The following EML1 variants were observed in gnomAD, a reference collection of about 807,000 sequenced individuals.
The protein encoded by EML1 is EMAP like 1.
A neutral mutation model predicts 110.4 loss-of-function variants in EML1; 27 were observed. The observed-to-expected ratio is 0.24, with a 90% CI of 0.18 to 0.34. The LOEUF is 0.34. Among genes scored for constraint, EML1 ranks in the 10% least tolerant of loss-of-function variants. The probability of loss-of-function intolerance (pLI) is 1.00; values close to 1 mark genes in which losing one functional copy is unlikely to be tolerated. For missense variants in EML1, 741 were observed against 1,030.9 expected, an observed-to-expected ratio of 0.72 and a Z score of 3.85; for synonymous variants, 344 against 385.8, an observed-to-expected ratio of 0.89 and a Z score of 1.27.
chr14:99,836,021 T>A (rs2058534566), intron 1 of EML1, among the ~76,000 whole-genome samples: 1 of 151,300 alleles, frequency 6.6e-6, no homozygotes, highest in Non-Finnish European at 1.5e-5. Flanking sequence ...CTGGGTCTTT[T>A]GCCTTTGCAT....
Position 99,793,444 on chromosome 14 carries a change from G to A in EML1, c.-33G>A. The A allele has an allele frequency of 9.6e-7, 1 of 1,037,302 alleles. No homozygotes were observed. The highest frequency in any genetic ancestry group is 1.2e-6 in the Non-Finnish European group (1 of 863,312). 64.3% of individuals were successfully genotyped at this position (1,037,302 alleles called of 1,614,324 possible). On this transcript the variant is annotated 5_prime_UTR_variant, in exon 1 of 22. Coordinates refer to ENST00000262233, the MANE Select transcript of EML1 (RefSeq NM_004434.3). The stretch of plus-strand genomic sequence containing the variant: ...TGGTGAGCGGCGGCGGCGCGGCCGG[G>A]CCGGGGAGCGGGCGCGGCCCGGCGG...
intron 1 of EML1, among the ~76,000 whole-genome samples, chr14:99,759,134 A>C (rs980819867): frequency 2.6e-5 from 4 of 152,180 alleles, no homozygotes; most frequent in African/African-American, 9.7e-5. Flanking sequence ...TGGAGCAAAC[A>C]CTGGGCTGGT....
chr14:99,831,745 A>T (rs560075386), intron 1 of EML1, among the ~76,000 whole-genome samples: 1 of 152,082 alleles, frequency 6.6e-6, no homozygotes, highest in South Asian at 2.1e-4. Flanking sequence ...ATCCTGCCTC[A>T]TTCCATGAAG....
chr14:99,866,570 CAAAAAAAAAA>C (rs57796662), intron 3 of EML1, among the ~76,000 whole-genome samples: 1 of 80,114 alleles, frequency 1.2e-5, no homozygotes, highest in Non-Finnish European at 2.3e-5. Flanking sequence ...AACTCCATCT[CAAAAAAAAAA>C]AAAAAAAAAA....
At chr14:99,758,632 T>C (rs540425405) in intron 1 of EML1, among the ~76,000 whole-genome samples, 3 of 152,288 alleles carry the variant, frequency 2.0e-5, no homozygotes, top group African/African-American at 7.2e-5. Flanking sequence ...CACGCCCTCA[T>C]GCAGTGATTC....
intron 16 of EML1, 68 bp downstream of exon 16, chr14:99,917,917 C>G: frequency 6.6e-7 from 1 of 1,513,048 alleles, no homozygotes. Context: ...TTTCTATTTC[C>G]CCAGGAACAG....
At chr14:99,898,127 A>T in intron 7 of EML1, 106 bp from the exon 8 acceptor site, 1 of 881,086 alleles carries the variant, frequency 1.1e-6, no homozygotes, top group Non-Finnish European at 1.6e-6. Flanking sequence ...GAAGTTAGGC[A>T]TTATATATTT....
At chr14:99,924,444 C>T (rs1193496018) in intron 17 of EML1, among the ~76,000 whole-genome samples, 1 of 151,984 alleles carries the variant, frequency 6.6e-6, no homozygotes, top group African/African-American at 2.4e-5. Context: ...TTGCCTATGG[C>T]AAAGTTAAAT....
chr14:99,868,251 C>G (rs1247165278), intron 3 of EML1, among the ~76,000 whole-genome samples: 2 of 152,194 alleles, frequency 1.3e-5, no homozygotes, highest in African/African-American at 4.8e-5. Flanking sequence ...CATCAGCATT[C>G]ATCAGGGATA....
Position 99,822,240 on chromosome 14 carries a change from G to A in EML1, c.68-28613G>A, listed in dbSNP as rs528707975. ...CACCTTTTGAGACCATAGCTCCATC[G>A]TTAATGGTGTTTTTGAATACCAAAT... On this transcript the variant is annotated intron_variant, in intron 1 of 21. Coordinates refer to ENST00000262233, the MANE Select transcript of EML1 (RefSeq NM_004434.3). Among the ~76,000 whole-genome samples, 6 of 152,220 alleles carry A rather than the reference G, an allele frequency of 3.9e-5. No individual in the cohort carries two copies. In the South Asian group the frequency reaches 8.3e-4, roughly 21 times the overall value.
At chr14:99,738,415 C>G (rs1219739431) in intron 1 of EML1, among the ~76,000 whole-genome samples, 1 of 152,246 alleles carries the variant, frequency 6.6e-6, no homozygotes, top group African/African-American at 2.4e-5. Flanking sequence ...GGTCTGCCCA[C>G]TGCCCTTTGC....
At position 99,886,731 on chromosome 14, in the gene EML1, T is replaced by C. The variant is rs890447417; in HGVS notation, c.519-4468T>C. On this transcript the variant is annotated intron_variant, in intron 4 of 21. Coordinates refer to ENST00000262233, the MANE Select transcript of EML1 (RefSeq NM_004434.3). ...GCAAGATCTGGCCCCAGAGCCCCCT[T>C]TCAGGAACATGGGGTTAGGTTAGTT... Among the ~76,000 whole-genome samples, 8 of 152,262 alleles carry C rather than the reference T, an allele frequency of 5.3e-5. No homozygotes were observed. The East Asian group carries it at 1.5e-3, about 29-fold the overall frequency.
chr14:99,813,990 C>G (rs2058124827), intron 1 of EML1, among the ~76,000 whole-genome samples: 1 of 152,120 alleles, frequency 6.6e-6, no homozygotes, highest in African/African-American at 2.4e-5. Flanking sequence ...CCAGCAGCAT[C>G]AGAGCAGTGC....
chr14:99,860,295 A>T (rs1296641717), intron 2 of EML1, among the ~76,000 whole-genome samples: 1 of 152,100 alleles, frequency 6.6e-6, no homozygotes, highest in East Asian at 1.9e-4. Flanking sequence ...CCCTTTCATG[A>T]ACCAAAAGAA....
intron 1 of EML1, among the ~76,000 whole-genome samples, chr14:99,809,273 A>G (rs535473926): frequency 6.6e-6 from 1 of 152,286 alleles, no homozygotes; most frequent in South Asian, 2.1e-4. Context: ...TAAATATCAT[A>G]TTTATCAAAC....
upstream of EML1, among the ~76,000 whole-genome samples, chr14:99,770,377 T>TTCTATCTATCTATCTATCTATCTA (rs143789356): frequency 3.4e-3 from 510 of 150,296 alleles, 2 homozygotes; most frequent in East Asian, 7.5e-3. Context: ...AAAAATTTCT[T>TTCTATCTATCTATCTATCTATCTA]TCTATCTATC....
intron 1 of EML1, among the ~76,000 whole-genome samples, chr14:99,808,038 CT>C (rs1214413482): frequency 6.6e-6 from 1 of 152,186 alleles, no homozygotes; most frequent in Non-Finnish European, 1.5e-5. Context: ...GGCCTACAGA[CT>C]ATCCCTGGGG....
intron 1 of EML1, among the ~76,000 whole-genome samples, chr14:99,838,649 C>T (rs73358403): frequency 0.03 from 4,501 of 152,006 alleles, 225 homozygotes; most frequent in African/African-American, 0.1. Context: ...TTCTTTCTCC[C>T]GTCCAAGCTG....
chr14:99,763,519 G>C (rs2057336787), intron 1 of EML1, among the ~76,000 whole-genome samples: 1 of 152,156 alleles, frequency 6.6e-6, no homozygotes, highest in African/African-American at 2.4e-5. Context: ...GAGGCTAAAA[G>C]ACAGGCTGAA....
Sources: gnomAD v4.1 joint callset for allele counts (sites outside exome capture counted in the v4.1 genomes callset) on GRCh38, gnomAD v4.1.1 for gene constraint, MANE v1.5 for transcripts, NCBI Gene and HGNC (gene_info 2026-07-23, HGNC 2026-07-21) for gene names.